CLPB: variants seen among roughly 807,000 people sequenced by gnomAD.
CLPB encodes the protein ClpB family mitochondrial disaggregase, also known as mitochondrial disaggregase.
A neutral mutation model predicts 78.4 loss-of-function variants in CLPB; 40 were observed. The observed-to-expected ratio is 0.51, with a 90% CI of 0.40 to 0.66. The LOEUF (loss-of-function observed/expected upper bound fraction) is 0.66, where lower values mean the gene tolerates loss of function less well. Ranked by LOEUF, CLPB falls within the 30% of genes least tolerant of loss-of-function variation. The pLI, the probability that CLPB is intolerant of heterozygous loss-of-function variation, is 0.00. For synonymous variants in CLPB, 333 were observed against 348.0 expected, an observed-to-expected ratio of 0.96 and a Z score of 0.48; for missense variants, 780 against 886.9, an observed-to-expected ratio of 0.88 and a Z score of 1.53.
chr11:72,349,453 G>A (rs1950573796), intron 5 of CLPB, among the ~76,000 whole-genome samples: 1 of 152,206 alleles, frequency 6.6e-6, no homozygotes, highest in South Asian at 2.1e-4. Flanking sequence ...CTTGGATACT[G>A]CCTGGCTTCT....
intron 5 of CLPB, among the ~76,000 whole-genome samples, chr11:72,348,663 T>A (rs889721249): frequency 1.3e-5 from 2 of 152,246 alleles, no homozygotes; most frequent in African/African-American, 4.8e-5. Context: ...CCCTTGCTTA[T>A]GTTTAATTGA....
chr11:72,293,334 T>C lies in CLPB; in HGVS notation c.*33A>G, dbSNP rs903404586. On this transcript the variant is annotated 3_prime_UTR_variant, in exon 16 of 16. Transcript: ENST00000538039. ...CCACAGCCAAGGGGCCTTTATTGGA[T>C]GGTGAGGGCACATAGGAGCAGGCAG... 1 of 1,601,836 alleles carries C rather than the reference T, an allele frequency of 6.2e-7. No homozygotes were observed. The highest frequency in any genetic ancestry group is 1.3e-5 in the African/African-American group (1 of 74,638).
intron 3 of CLPB, among the ~76,000 whole-genome samples, chr11:72,383,033 A>G (rs1361433976): frequency 6.6e-6 from 1 of 151,836 alleles, no homozygotes; most frequent in Non-Finnish European, 1.5e-5. Context: ...AAAAACATCA[A>G]AAGAAATCCT....
rs577564911 is a variant in CLPB, at chr11:72,350,217, C to CA, written c.775+8662dup. Among the ~76,000 whole-genome samples the CA allele has an allele frequency of 7.6e-4, 116 of 152,306 alleles. No individual in the cohort carries two copies. The East Asian group carries it at 0.018, about 23-fold the overall frequency. ...AGGGCCCCTTCAAGGCCTGGTCTTC[C>CA]ACATGGGCTGCAGATACAATACCAC... is the stretch of plus-strand genomic sequence containing the variant. On this transcript the variant is annotated intron_variant, in intron 5 of 15. Coordinates refer to ENST00000538039, the MANE Select transcript of CLPB (RefSeq NM_001258392.3).
chr11:72,293,794 G>C (rs1360851606), intron 15 of CLPB, among the ~76,000 whole-genome samples, 179 bp from the exon 16 acceptor site: 1 of 152,196 alleles, frequency 6.6e-6, no homozygotes, highest in Admixed American at 6.5e-5. Flanking sequence ...AGTTTCTGAG[G>C]CTCCCAGCCC....
chr11:72,347,481 A>G (rs1240969192), intron 5 of CLPB, among the ~76,000 whole-genome samples: 1 of 152,174 alleles, frequency 6.6e-6, no homozygotes, highest in East Asian at 1.9e-4. Flanking sequence ...ATCTCTTCAT[A>G]GAGTGCTAAC....
At chr11:72,405,135 T>C (rs958979744) in intron 2 of CLPB, among the ~76,000 whole-genome samples, 2 of 152,136 alleles carry the variant, frequency 1.3e-5, no homozygotes, top group Admixed American at 1.3e-4. Context: ...CAAACTTGAA[T>C]TGTGTCTTGA....
At chr11:72,352,451 C>T (rs1950631035) in intron 5 of CLPB, 1 of 152,214 alleles carries the variant, frequency 6.6e-6, no homozygotes, top group East Asian at 1.9e-4. Flanking sequence ...GAACTACCTG[C>T]AATATTCTGA....
At chr11:72,385,593 T>C (rs1256362577) in intron 3 of CLPB, among the ~76,000 whole-genome samples, 1 of 152,164 alleles carries the variant, frequency 6.6e-6, no homozygotes, top group Non-Finnish European at 1.5e-5. Context: ...GAGGCCAAGA[T>C]AGCTGGATCA....
intron 1 of CLPB, chr11:72,430,619 AC>A: frequency 2.0e-6 from 1 of 492,172 alleles, no homozygotes; most frequent in Non-Finnish European, 3.6e-6. Flanking sequence ...ATGCAGGTCA[AC>A]TGCTAGCACC....
intron 7 of CLPB, among the ~76,000 whole-genome samples, chr11:72,314,266 G>T (rs964088508): frequency 3.3e-5 from 5 of 152,220 alleles, no homozygotes; most frequent in African/African-American, 1.2e-4. Flanking sequence ...CGGAAGCTCG[G>T]GACAGGTTCC....
intron 7 of CLPB, among the ~76,000 whole-genome samples, chr11:72,309,685 T>G (rs1949808967): frequency 1.3e-5 from 2 of 152,098 alleles, no homozygotes; most frequent in Non-Finnish European, 2.9e-5. Flanking sequence ...AAGTAACATA[T>G]GGCTGCTCAA....
intron 6 of CLPB, among the ~76,000 whole-genome samples, chr11:72,323,037 G>A (rs781599947): frequency 7.0e-4 from 107 of 152,158 alleles, no homozygotes; most frequent in Non-Finnish European, 1.3e-3. Context: ...CTGGAGATAA[G>A]GAAAGACTTG....
chr11:72,344,946 TATA>T (rs1565450896), intron 5 of CLPB, among the ~76,000 whole-genome samples: 1 of 152,188 alleles, frequency 6.6e-6, no homozygotes. Context: ...CAAGTTCACT[TATA>T]ATAAGATAAT....
chr11:72,393,251 AG>A (rs1276143073), intron 3 of CLPB, among the ~76,000 whole-genome samples: 1 of 152,210 alleles, frequency 6.6e-6, no homozygotes, highest in African/African-American at 2.4e-5. Flanking sequence ...GTCAGGCCCT[AG>A]ATGTTAGGAC....
intron 5 of CLPB, among the ~76,000 whole-genome samples, chr11:72,349,202 C>T (rs1238832053): frequency 2.0e-5 from 3 of 152,282 alleles, no homozygotes; most frequent in South Asian, 2.1e-4. Context: ...AAGCTCAGTA[C>T]GGGGGAAGGG....
At chr11:72,359,537 T>G (rs1950793789) in intron 4 of CLPB, among the ~76,000 whole-genome samples, 1 of 152,240 alleles carries the variant, frequency 6.6e-6, no homozygotes, top group Non-Finnish European at 1.5e-5. Context: ...CTCTCTGCTC[T>G]GAAAATGTTT....
At chr11:72,425,084 C>CA (rs1009376032) in intron 2 of CLPB, among the ~76,000 whole-genome samples, 88 of 152,194 alleles carry the variant, frequency 5.8e-4, no homozygotes, top group African/African-American at 2.1e-3. Flanking sequence ...TCAAAAACAA[C>CA]AAAAAAGTGT....
chr11:72,406,232 C>CA (rs990769713), intron 2 of CLPB, among the ~76,000 whole-genome samples: 11 of 152,138 alleles, frequency 7.2e-5, no homozygotes, highest in African/African-American at 2.7e-4. Context: ...AGGATAAACT[C>CA]AGAGTGACCA....
Sources: allele counts gnomAD v4.1 joint callset (sites outside exome capture counted in the v4.1 genomes callset), GRCh38; gene constraint gnomAD v4.1.1; transcripts MANE v1.5; gene names NCBI Gene and HGNC (gene_info 2026-07-23, HGNC 2026-07-21).